The following PCM1 variants were observed in gnomAD, a reference collection of about 807,000 sequenced individuals.
PCM1 encodes pericentriolar material 1 protein.
A neutral mutation model predicts 241.9 loss-of-function variants in PCM1; 157 were observed. That is an observed-to-expected ratio of 0.65 (90% CI 0.57 to 0.74). PCM1 has a LOEUF of 0.74. Among genes scored for constraint, PCM1 ranks in the 30% least tolerant of loss-of-function variants. PCM1 has a pLI of 0.00. For missense variants in PCM1, 3,478 were observed against 2,360.1 expected (o/e 1.47, Z -9.81); for synonymous variants, 1,085 against 784.9 (o/e 1.38, Z -6.39).
In PCM1 at chr8:18,027,651, C is replaced by T; in HGVS notation, c.6064C>T (p.Gln2022Ter). The T allele has an allele frequency of 6.3e-7, 1 of 1,581,372 alleles. No individual in the cohort carries two copies. Among genetic ancestry groups the T allele is most frequent in the Non-Finnish European group, 8.6e-7 (1 of 1,157,498 alleles). Residue 2022 changes from glutamine to a stop codon, truncating the protein, a stop_gained, in exon 39 of 39, where the codon CAG becomes TAG. Coordinates refer to ENST00000325083, the MANE Select transcript of PCM1 (RefSeq NM_006197.4). LOFTEE classifies it high-confidence loss of function. ...CTGTTTTTCAGAAACGGTGGGAGCC[C>T]AGAGTATATGAGATGTCTTCAGAGG... is the stretch of plus-strand genomic sequence containing the variant. ...TLKEPETVGA[Q>*]SI
rs1049561103 is a variant in PCM1 at position 17,937,181 on chromosome 8, TAAGAAA to T, written c.148_153del (p.Lys50_Lys51del). ...AAGCAAATAGATCATCAGAAAAGAATAAGAAAAAGTTTGGTGTAGAAAGTGATAAAA... is the reference window on the plus strand; with the variant it reads ...AAGCAAATAGATCATCAGAAAAGAATAAGTTTGGTGTAGAAAGTGATAAAA... On this transcript the variant is annotated inframe_deletion, in exon 4 of 39. Coordinates refer to ENST00000325083, the MANE Select transcript of PCM1 (RefSeq NM_006197.4). 1.3e-5 allele frequency: 21 copies of T among 1,588,056 alleles called. No individual in the cohort carries two copies. Among genetic ancestry groups the T allele is most frequent in the South Asian group, 3.4e-5 (3 of 87,570 alleles).
chr8:17,934,266 A>AT (rs2059825132), intron 2 of PCM1, among the ~76,000 whole-genome samples: 2 of 120,640 alleles, frequency 1.7e-5, no homozygotes, highest in Non-Finnish European at 2.0e-5. Flanking sequence ...TTAATTTTTA[A>AT]TCTTTTTTTT....
intron 36 of PCM1, among the ~76,000 whole-genome samples, chr8:18,015,263 A>G (rs34011064): frequency 6.6e-6 from 1 of 151,928 alleles, no homozygotes; most frequent in African/African-American, 2.4e-5. Flanking sequence ...AAAAAAAAAA[A>G]AACTAGGAAA....
At chr8:17,943,088 G>A (rs558690308) in intron 6 of PCM1, among the ~76,000 whole-genome samples, 1 of 151,608 alleles carries the variant, frequency 6.6e-6, no homozygotes, top group Non-Finnish European at 1.5e-5. Flanking sequence ...TAGTAATTGA[G>A]TATAGGTAAG....
Position 17,957,392 on chromosome 8 carries a change from T to G in PCM1, c.1775T>G (p.Ile592Arg), listed in dbSNP as rs1442036679. The G allele has an allele frequency of 1.9e-6, 3 of 1,612,630 alleles. No homozygotes were observed. In the East Asian group the frequency reaches 6.7e-5, roughly 36 times the overall value. Reference protein sequence around the residue: ...CEINNRSAANIRALNMPPSLD... With the variant: ...CEINNRSAANRRALNMPPSLD... ...ATTAACAACAGATCTGCTGCCAACA[T>G]AAGGGCTCTAAACATGCCTCCTTCT... The change falls in exon 12 of 39, where the codon ATA (isoleucine) becomes AGA (arginine). Residue 592 changes from isoleucine to arginine, a missense_variant. Coordinates refer to ENST00000325083, the MANE Select transcript of PCM1 (RefSeq NM_006197.4).
chr8:17,942,282 C>T (rs1299545768), intron 6 of PCM1, among the ~76,000 whole-genome samples: 1 of 152,092 alleles, frequency 6.6e-6, no homozygotes, highest in African/African-American at 2.4e-5. Flanking sequence ...TCCTGGCCAA[C>T]ATGGCGAAAC....
At position 17,967,057 on chromosome 8, in the gene PCM1, G is replaced by C; in HGVS notation, c.3299G>C (p.Ser1100Thr). 1 of 1,609,694 alleles carries C rather than the reference G, an allele frequency of 6.2e-7. No individual in the cohort carries two copies. The highest frequency in any genetic ancestry group is 8.5e-7 in the Non-Finnish European group (1 of 1,177,710). The change falls in exon 21 of 39, where the codon AGT becomes ACT. Residue 1100 changes from serine (S) to threonine (T), a missense_variant. Coordinates refer to ENST00000325083, the MANE Select transcript of PCM1 (RefSeq NM_006197.4). ...PEKPGGKERG[S>T]SASHPPSPSL... ...AAACCTGGAGGCAAGGAAAGAGGCA[G>C]TAGTGCATCGCACCCTCCTTCTCCC...
intron 2 of PCM1, among the ~76,000 whole-genome samples, chr8:17,930,071 TC>T (rs1211505230): frequency 2.6e-5 from 4 of 151,394 alleles, no homozygotes. Context: ...ATTCTGTACA[TC>T]CTTAGTCTTT....
chr8:18,024,383 A>C (rs570256183), intron 36 of PCM1, among the ~76,000 whole-genome samples: 1 of 152,202 alleles, frequency 6.6e-6, no homozygotes, highest in East Asian at 1.9e-4. Flanking sequence ...TTTCTTCTTA[A>C]ATATATATTT....
intron 24 of PCM1, among the ~76,000 whole-genome samples, chr8:17,981,429 C>G (rs1013238221): frequency 6.6e-6 from 1 of 152,128 alleles, no homozygotes; most frequent in African/African-American, 2.4e-5. Context: ...TTGCCTTAAT[C>G]ACATTATTAT....
Position 17,957,645 on chromosome 8 carries a change from C to T in PCM1, c.1910C>T (p.Ser637Leu). 6.3e-7 allele frequency: 1 copy of T among 1,596,522 alleles called. No individual in the cohort carries two copies. Among genetic ancestry groups the T allele is most frequent in the Non-Finnish European group, 8.5e-7 (1 of 1,170,342 alleles). The change falls in exon 13 of 39, where the codon TCA becomes TTA. Residue 637 changes from serine to leucine, a missense_variant. Coordinates refer to ENST00000325083, the MANE Select transcript of PCM1 (RefSeq NM_006197.4). The stretch of plus-strand genomic sequence containing the variant: ...GAAGAGGAGGGAGTCAGTGGAGCTT[C>T]ATTATCTAGTCACAGGAGCAGTCTG... ...EAEEEGVSGASLSSHRSSLVD... is the reference protein window; with the variant it reads ...EAEEEGVSGALLSSHRSSLVD...
Position 17,972,400 on chromosome 8 carries a change from T to C in PCM1, c.3656T>C (p.Val1219Ala), listed in dbSNP as rs776160276. ...TGGTTATATGAACAAGAAGGTGAAG[T>C]AGAGAAACCATTTATCAAGACTGGA... ...TPWLYEQEGE[V>A]EKPFIKTGFS... is the part of the protein sequence containing the mutation. Residue 1219 changes from valine to alanine, a missense_variant, in exon 23 of 39, where the codon GTA becomes GCA. Physicochemically the swap from Val to Ala is moderately conservative, Grantham distance 64 (BLOSUM62 0). Transcript: ENST00000325083. 2 of 1,607,130 alleles carry C rather than the reference T, an allele frequency of 1.2e-6. No homozygotes were observed. The highest frequency in any genetic ancestry group is 1.7e-5 in the Admixed American group (1 of 59,346).
intron 35 of PCM1, among the ~76,000 whole-genome samples, chr8:18,014,263 A>G (rs898206940): frequency 1.3e-5 from 2 of 152,160 alleles, no homozygotes; most frequent in African/African-American, 4.8e-5. Flanking sequence ...GCACAGACAA[A>G]AATTCTGTCA....
At position 17,993,549 on chromosome 8, in the gene PCM1, C is replaced by G. The variant is rs2085533101; in HGVS notation, c.4757C>G (p.Pro1586Arg). 6.3e-7 allele frequency: 1 copy of G among 1,597,424 alleles called. No individual in the cohort carries two copies. Among genetic ancestry groups the G allele is most frequent in the Non-Finnish European group, 8.5e-7 (1 of 1,170,856 alleles). Reference protein sequence around the residue: ...PVSEVSTIPCPRIDTQQLDRQ... With the variant: ...PVSEVSTIPCRRIDTQQLDRQ... Reference sequence around the variant, plus strand: ...AGTGAAGTTTCTACCATCCCATGTCCTAGAATTGATACTCAGCAGCTGGAC... The same window carrying G: ...AGTGAAGTTTCTACCATCCCATGTCGTAGAATTGATACTCAGCAGCTGGAC... The change falls in exon 29 of 39, where the codon CCT becomes CGT. Residue 1586 changes from proline (P) to arginine (R), a missense_variant. Transcript: ENST00000325083.
At chr8:17,973,225 TTTTC>T (rs909392431) in intron 23 of PCM1, among the ~76,000 whole-genome samples, 2 of 152,220 alleles carry the variant, frequency 1.3e-5, no homozygotes, top group Non-Finnish European at 2.9e-5. Flanking sequence ...TTTTTTAAAA[TTTTC>T]TTTATGGTGT....
At chr8:18,011,553 GGATTT>G in intron 33 of PCM1, 109 bp from the exon 34 acceptor site, 10 of 1,108,150 alleles carry the variant, frequency 9.0e-6, no homozygotes, top group Middle Eastern at 2.8e-4. Flanking sequence ...TTCTGTTTGA[GGATTT>G]CAGATACTGT....
At chr8:17,990,126 C>A in intron 27 of PCM1, 147 bp downstream of exon 27, 2 of 582,088 alleles carry the variant, frequency 3.4e-6, no homozygotes, top group Non-Finnish European at 5.5e-6. Context: ...AGTCTAAAAT[C>A]AAGAATCTTC....
chr8:17,966,020 T>C lies in PCM1; in HGVS notation c.2877T>C (p.Phe959=). ...TKNRWKNNCP[F]SADENYRPLA... is the part of the protein sequence containing the mutation. ...TTAGGTGGAAGAACAATTGCCCTTT[T>C]TCGGCAGATGAAAATTATCGTCCTT... Residue 959 remains phenylalanine (F), a synonymous_variant, in exon 19 of 39, where the codon TTT becomes TTC. Coordinates refer to ENST00000325083, the MANE Select transcript of PCM1 (RefSeq NM_006197.4). 1 of 1,611,458 alleles carries C rather than the reference T, an allele frequency of 6.2e-7. No individual in the cohort carries two copies. The highest frequency in any genetic ancestry group is 8.5e-7 in the Non-Finnish European group (1 of 1,178,416).
At chr8:17,961,941 A>G (rs2072428801) in intron 15 of PCM1, 93 bp from the exon 16 acceptor site, 3 of 1,047,856 alleles carry the variant, frequency 2.9e-6, no homozygotes, top group Admixed American at 5.3e-5. Flanking sequence ...ATATGGCACT[A>G]GAGCCTTAGT....
Sources: allele counts gnomAD v4.1 joint callset (sites outside exome capture counted in the v4.1 genomes callset), GRCh38; gene constraint gnomAD v4.1.1; transcripts MANE v1.5; gene names NCBI Gene and HGNC (gene_info 2026-07-23, HGNC 2026-07-21).